Variants in ZNRF1 observed in about 807,000 individuals in gnomAD.
The protein encoded by ZNRF1 is E3 ubiquitin-protein ligase ZNRF1.
ZNRF1 carries 3 observed loss-of-function variants against 18.4 expected under a neutral mutation model. That is an observed-to-expected ratio of 0.16 (90% CI 0.07 to 0.42). The LOEUF is 0.42. ZNRF1 is among the 10% of genes least tolerant of loss of function. The pLI is 0.99. For missense variants in ZNRF1, 310 were observed against 329.8 expected (o/e 0.94, Z 0.47); for synonymous variants, 157 against 144.2 (o/e 1.09, Z -0.64).
Position 75,106,255 on chromosome 16 carries a change from C to T in ZNRF1, c.627-227C>T. On this transcript the variant is annotated intron_variant, in intron 3 of 4. Coordinates refer to ENST00000335325, the MANE Select transcript of ZNRF1 (RefSeq NM_032268.5). The stretch of plus-strand genomic sequence containing the variant: ...CCCCTTCCTGCAGCACCAGATCCCC[C>T]TGAGCCGGTACTGCTGCCTCCACCT... 6 of 553,258 alleles carry T rather than the reference C, an allele frequency of 1.1e-5. No individual in the cohort carries two copies. The South Asian group carries it at 1.2e-4, about 12-fold the overall frequency. 34.3% of individuals were successfully genotyped at this position (553,258 alleles called of 1,614,324 possible). A position where few individuals can be genotyped will look rare whatever the true frequency, so the allele number is the denominator to read the frequency against.
At chr16:75,082,445 G>A (rs1479989696) in intron 1 of ZNRF1, among the ~76,000 whole-genome samples, 1 of 152,202 alleles carries the variant, frequency 6.6e-6, no homozygotes, top group Non-Finnish European at 1.5e-5. Flanking sequence ...GTACAGCAGG[G>A]TGGGTTTGAT....
intron 1 of ZNRF1, among the ~76,000 whole-genome samples, chr16:75,029,177 C>T (rs1003434104): frequency 3.3e-5 from 5 of 150,554 alleles, no homozygotes; most frequent in East Asian, 1.9e-4. Context: ...GACGGAGTCT[C>T]GTGCTGTCGC....
At chr16:75,034,133 C>T (rs1401661488) in intron 1 of ZNRF1, among the ~76,000 whole-genome samples, 6 of 152,250 alleles carry the variant, frequency 3.9e-5, no homozygotes, top group East Asian at 1.9e-4. Flanking sequence ...ACCCCAGCCT[C>T]GCGACAGAGC....
At chr16:75,020,855 C>G (rs1051513641) in intron 1 of ZNRF1, among the ~76,000 whole-genome samples, 2 of 151,270 alleles carry the variant, frequency 1.3e-5, no homozygotes, top group African/African-American at 4.9e-5. Context: ...TCAGTCTTTT[C>G]TTAGAAAGGG....
At chr16:75,040,395 C>T (rs796398033) in intron 1 of ZNRF1, among the ~76,000 whole-genome samples, 4 of 151,896 alleles carry the variant, frequency 2.6e-5, no homozygotes, top group African/African-American at 7.2e-5. Context: ...GCTGGGATTA[C>T]GGATGTGAAC....
chr16:75,002,881 C>T (rs1469607037), intron 1 of ZNRF1, among the ~76,000 whole-genome samples: 2 of 152,220 alleles, frequency 1.3e-5, no homozygotes, highest in African/African-American at 2.4e-5. Flanking sequence ...TCTTTCTGAT[C>T]CCTTAGGGCT....
intron 2 of ZNRF1, among the ~76,000 whole-genome samples, chr16:75,094,154 G>A (rs376978229): frequency 1.3e-5 from 2 of 152,154 alleles, no homozygotes; most frequent in African/African-American, 4.8e-5. Context: ...GAACTCGGAC[G>A]AACACCTGAT....
At chr16:75,066,925 A>AT (rs1347460353) in intron 1 of ZNRF1, among the ~76,000 whole-genome samples, 1 of 151,842 alleles carries the variant, frequency 6.6e-6, no homozygotes, top group Non-Finnish European at 1.5e-5. Flanking sequence ...AGTAATAATC[A>AT]TTATCTCTCA....
intron 1 of ZNRF1, among the ~76,000 whole-genome samples, chr16:75,030,075 A>C (rs933568189): frequency 9.2e-5 from 14 of 152,006 alleles, no homozygotes; most frequent in East Asian, 1.9e-4. Flanking sequence ...AAAAAAAAAA[A>C]AAAAAAACCT....
chr16:75,086,212 A>C (rs2036072215), intron 1 of ZNRF1, among the ~76,000 whole-genome samples: 1 of 152,166 alleles, frequency 6.6e-6, no homozygotes, highest in South Asian at 2.1e-4. Flanking sequence ...CACCAAAAAT[A>C]ATGTTGAGCC....
At chr16:75,102,416 C>A (rs1461109159) in intron 2 of ZNRF1, among the ~76,000 whole-genome samples, 1 of 152,092 alleles carries the variant, frequency 6.6e-6, no homozygotes, top group African/African-American at 2.4e-5. Context: ...AAGGAAGACA[C>A]GCACATGTGT....
chr16:75,076,241 T>C (rs1368027467), intron 1 of ZNRF1, among the ~76,000 whole-genome samples: 1 of 152,204 alleles, frequency 6.6e-6, no homozygotes, highest in Non-Finnish European at 1.5e-5. Flanking sequence ...ATATAAATGG[T>C]TCTGAACTTT....
chr16:75,074,571 A>G lies in ZNRF1; in HGVS notation c.425-19001A>G, dbSNP rs1300589525. 2.6e-5 allele frequency among the ~76,000 whole-genome samples: 4 copies of G among 152,176 alleles called. No individual in the cohort carries two copies. In the East Asian group the frequency reaches 7.7e-4, roughly 29 times the overall value. On this transcript the variant is annotated intron_variant, in intron 1 of 4. Transcript: ENST00000335325. ...ATAATTTATCATTCAATCCCAGGCA[A>G]GTTTGAAACTGAAAGAGGGAGCTAT...
chr16:75,001,942 T>C lies in ZNRF1; in HGVS notation c.424+1847T>C, dbSNP rs546553173. Among the ~76,000 whole-genome samples the C allele has an allele frequency of 1.8e-4, 28 of 152,300 alleles. 1 individual carries two copies. The Middle Eastern group carries it at 0.01, about 56-fold the overall frequency. On this transcript the variant is annotated intron_variant, in intron 1 of 4. Transcript: ENST00000335325. ...CACTGAACTGTGGGGACAGGAAGGT[T>C]GGAGCATATTAATCCTTTAGGGAAG...
intron 1 of ZNRF1, among the ~76,000 whole-genome samples, chr16:75,031,550 C>T (rs745515735): frequency 6.6e-6 from 1 of 152,040 alleles, no homozygotes; most frequent in Non-Finnish European, 1.5e-5. Flanking sequence ...CTTTGTCCCC[C>T]AGGCTGGAGA....
Position 75,061,790 on chromosome 16 carries a change from A to G in ZNRF1, c.425-31782A>G, listed in dbSNP as rs377302504. On this transcript the variant is annotated intron_variant, in intron 1 of 4. Coordinates refer to ENST00000335325, the MANE Select transcript of ZNRF1 (RefSeq NM_032268.5). ...TGACTTTCACTCCTTTAGGTTTCTT[A>G]ACACAATGAGTCGTCTTGTCAGCAG... Among the ~76,000 whole-genome samples the G allele has an allele frequency of 3.9e-5, 6 of 152,318 alleles. No homozygotes were observed. In the South Asian group the frequency reaches 1.2e-3, roughly 32 times the overall value.
intron 1 of ZNRF1, among the ~76,000 whole-genome samples, chr16:75,033,700 G>A (rs948399707): frequency 6.6e-6 from 1 of 152,158 alleles, no homozygotes; most frequent in African/African-American, 2.4e-5. Flanking sequence ...GCCTCCCAAA[G>A]TGTTGGGATT....
intron 1 of ZNRF1, among the ~76,000 whole-genome samples, chr16:75,074,983 C>T (rs1029333424): frequency 5.3e-5 from 8 of 152,098 alleles, no homozygotes; most frequent in South Asian, 2.1e-4. Context: ...CCCAAAAGTT[C>T]GCACTGTCCA....
intron 1 of ZNRF1, among the ~76,000 whole-genome samples, chr16:75,012,059 G>T (rs1028278942): frequency 3.3e-5 from 5 of 152,170 alleles, no homozygotes; most frequent in Admixed American, 1.3e-4. Context: ...GGGAATTTTT[G>T]GTAGCTGTTG....
Sources: allele counts gnomAD v4.1 joint callset (sites outside exome capture counted in the v4.1 genomes callset), GRCh38; gene constraint gnomAD v4.1.1; transcripts MANE v1.5; gene names NCBI Gene and HGNC (gene_info 2026-07-23, HGNC 2026-07-21).